Variants in SLC4A3 observed in about 807,000 individuals in gnomAD.
SLC4A3 encodes the protein anion exchange protein 3.
In SLC4A3, 47 loss-of-function variants were observed where a neutral mutation model predicts 114.2. That is an observed-to-expected ratio of 0.41 (90% CI 0.33 to 0.52). The LOEUF is 0.52. Among genes scored for constraint, SLC4A3 ranks in the 20% least tolerant of loss-of-function variants. SLC4A3 has a pLI of 0.21. For missense variants in SLC4A3, 1,312 were observed against 1,668.3 expected (o/e 0.79, Z 3.72); for synonymous variants, 693 against 710.3 (o/e 0.98, Z 0.39).
chr2:219,640,933 C>T lies in SLC4A3; in HGVS notation c.3592C>T (p.Arg1198Trp), dbSNP rs748906641. 28 of 1,608,178 alleles carry T rather than the reference C, an allele frequency of 1.7e-5. No individual in the cohort carries two copies. Among genetic ancestry groups the T allele is most frequent in the South Asian group, 5.5e-5 (5 of 91,080 alleles). The change falls in exon 22 of 23, where the codon CGG (arginine) becomes TGG (tryptophan). Residue 1198 changes from arginine (R) to tryptophan (W), a missense_variant. This residue lies in a region of SLC4A3 where 301 missense variants were observed against 460.7 expected (regional missense o/e 0.65). Coordinates refer to ENST00000358055, the MANE Select transcript of SLC4A3 (RefSeq NM_005070.4). ...TVPLRHCLLP[R>W]LFQDRELQAL... ...GCCTCTGAGGCATTGCCTTCTGCCCCGGCTCTTCCAGGACAGGGAGCTGCA... is the reference window on the plus strand; with the variant it reads ...GCCTCTGAGGCATTGCCTTCTGCCCTGGCTCTTCCAGGACAGGGAGCTGCA...
chr2:219,629,562 C>A lies in SLC4A3; in HGVS notation c.496-18C>A. 1 of 1,600,774 alleles carries A rather than the reference C, an allele frequency of 6.2e-7. No homozygotes were observed. The highest frequency in any genetic ancestry group is 1.1e-5 in the South Asian group (1 of 90,844). On this transcript the variant is annotated intron_variant, in intron 4 of 22. Coordinates refer to ENST00000358055, the MANE Select transcript of SLC4A3 (RefSeq NM_005070.4). The stretch of plus-strand genomic sequence containing the variant: ...GGTAGGTCGGGGCAAGGCCCCAGGG[C>A]ACATTCTATGTCTGCAGTTCTCCAT...
chr2:219,638,071 G>T lies in SLC4A3; in HGVS notation c.2767-93G>T. 9.3e-7 allele frequency: 1 copy of T among 1,073,906 alleles called. No homozygotes were observed. Among genetic ancestry groups the T allele is most frequent in the Non-Finnish European group, 1.4e-6 (1 of 716,142 alleles). 66.5% of individuals were successfully genotyped at this position (1,073,906 alleles called of 1,614,324 possible). A position where few individuals can be genotyped will look rare whatever the true frequency, so the allele number is the denominator to read the frequency against. On this transcript the variant is annotated intron_variant, in intron 17 of 22. Transcript: ENST00000358055. The surrounding 1 kb of genome is among the most constrained non-coding windows in gnomAD (Gnocchi z 7.5). ...GTGGGGGGCCTTCTGGCTCCAGCTT[G>T]GACCCAGGCAGGGCCAGAGATGGCA...
At position 219,630,927 on chromosome 2, in the gene SLC4A3, G is replaced by A. The variant is rs940894976; in HGVS notation, c.811+575G>A. Among the ~76,000 whole-genome samples the A allele has an allele frequency of 6.6e-6, 1 of 152,174 alleles. No homozygotes were observed. Among genetic ancestry groups the A allele is most frequent in the African/African-American group, 2.4e-5 (1 of 41,444 alleles). On this transcript the variant is annotated intron_variant, in intron 6 of 22. Coordinates refer to ENST00000358055, the MANE Select transcript of SLC4A3 (RefSeq NM_005070.4). This position sits in a 1 kb window ranked among gnomAD's most constrained non-coding sequence, Gnocchi z 6.9. ...CTCCTCCGAGCCACAGTGTGTGGGT[G>A]GGGTGGGGGGAAGGGTAGGGCTTTG...
Position 219,631,601 on chromosome 2 carries a change from A to C in SLC4A3, c.812-367A>C, listed in dbSNP as rs1004649052. 1.2e-5 allele frequency: 9 copies of C among 767,662 alleles called. No individual in the cohort carries two copies. In the African/African-American group the frequency reaches 1.3e-4, roughly 11 times the overall value. The allele number at this position is 767,662 out of a possible 1,614,324, so 47.6% of individuals were successfully genotyped here. ...GGGTGTTGAGATAGGGTGCACGGAA[A>C]ATGTTGGGGGCTCAGTGCCTGGGGA... is the stretch of plus-strand genomic sequence containing the variant. On this transcript the variant is annotated intron_variant, in intron 6 of 22. Coordinates refer to ENST00000358055, the MANE Select transcript of SLC4A3 (RefSeq NM_005070.4). This position sits in a 1 kb window ranked among gnomAD's most constrained non-coding sequence, Gnocchi z 6.3.
chr2:219,640,934 G>T lies in SLC4A3; in HGVS notation c.3593G>T (p.Arg1198Leu). The T allele has an allele frequency of 6.2e-7, 1 of 1,607,934 alleles. No individual in the cohort carries two copies. The highest frequency in any genetic ancestry group is 1.1e-5 in the South Asian group (1 of 91,076). ...CCTCTGAGGCATTGCCTTCTGCCCC[G>T]GCTCTTCCAGGACAGGGAGCTGCAG... is the stretch of plus-strand genomic sequence containing the variant. Reference protein sequence around the residue: ...TVPLRHCLLPRLFQDRELQAL... With the variant: ...TVPLRHCLLPLLFQDRELQAL... Residue 1198 changes from arginine (R) to leucine (L), a missense_variant, in exon 22 of 23, where the codon CGG (arginine) becomes CTG (leucine). Arg to Leu is a moderately radical substitution (Grantham distance 102). Coordinates refer to ENST00000358055, the MANE Select transcript of SLC4A3 (RefSeq NM_005070.4).
chr2:219,633,732 G>T (rs1699022590), intron 10 of SLC4A3, 148 bp from the exon 11 acceptor site: 2 of 1,273,138 alleles, frequency 1.6e-6, no homozygotes, highest in South Asian at 1.5e-5. Flanking sequence ...ATCCCAGCTG[G>T]TGGCTCCCAG....
Position 219,639,796 on chromosome 2 carries a change from A to G in SLC4A3, c.3277+61A>G. On this transcript the variant is annotated intron_variant, in intron 20 of 22. Transcript: ENST00000358055. This position sits in a 1 kb window ranked among gnomAD's most constrained non-coding sequence, Gnocchi z 5.9. Reference sequence around the variant, plus strand: ...TTGGGCCCCACGGTCTTACATCTTCACTATCCCAGGCTTGACCCTGAATCT... The same window carrying G: ...TTGGGCCCCACGGTCTTACATCTTCGCTATCCCAGGCTTGACCCTGAATCT... 1 of 1,575,870 alleles carries G rather than the reference A, an allele frequency of 6.3e-7. No individual in the cohort carries two copies. The highest frequency in any genetic ancestry group is 2.3e-5 in the East Asian group (1 of 44,330).
Position 219,629,576 on chromosome 2 carries a change from G to A in SLC4A3, c.496-4G>A, listed in dbSNP as rs752900052. ...AGGCCCCAGGGCACATTCTATGTCT[G>A]CAGTTCTCCATTGGAAGTGACGAGG... On this transcript the variant is annotated splice_region_variant and splice_polypyrimidine_tract_variant and intron_variant, in intron 4 of 22. Coordinates refer to ENST00000358055, the MANE Select transcript of SLC4A3 (RefSeq NM_005070.4). 6.2e-7 allele frequency: 1 copy of A among 1,609,012 alleles called. No homozygotes were observed. Among genetic ancestry groups the A allele is most frequent in the Non-Finnish European group, 8.5e-7 (1 of 1,175,902 alleles).
rs1237650840 is a variant in SLC4A3, at chr2:219,633,844, C to T, written c.1462-36C>T. On this transcript the variant is annotated intron_variant, in intron 10 of 22. Transcript: ENST00000358055. ...GGGAGGGCCTGCCACGGCCTCCGGT[C>T]TGGGTCCCAGCCCTATTCCAGTTCT... 9 of 1,551,318 alleles carry T rather than the reference C, an allele frequency of 5.8e-6. No individual in the cohort carries two copies. In the East Asian group the frequency reaches 2.2e-4, roughly 38 times the overall value.
Position 219,637,902 on chromosome 2 carries a change from C to A in SLC4A3, c.2766+91C>A. The A allele has an allele frequency of 9.2e-7, 1 of 1,086,646 alleles. No individual in the cohort carries two copies. Among genetic ancestry groups the A allele is most frequent in the Non-Finnish European group, 1.4e-6 (1 of 720,732 alleles). The allele number at this position is 1,086,646 out of a possible 1,614,324, so 67.3% of individuals were successfully genotyped here. On this transcript the variant is annotated intron_variant, in intron 17 of 22. Coordinates refer to ENST00000358055, the MANE Select transcript of SLC4A3 (RefSeq NM_005070.4). The surrounding 1 kb of genome is among the most constrained non-coding windows in gnomAD (Gnocchi z 4.6). ...GAGGCTGCACCCCTTCCCCGGTCAG[C>A]CCATGGACCAAAACCCAGCTCGGGC...
chr2:219,638,970 G>A lies in SLC4A3; in HGVS notation c.3023+101G>A. 2 of 1,310,394 alleles carry A rather than the reference G, an allele frequency of 1.5e-6. No homozygotes were observed. Among genetic ancestry groups the A allele is most frequent in the Non-Finnish European group, 2.1e-6 (2 of 935,328 alleles). 81.2% of individuals were successfully genotyped at this position (1,310,394 alleles called of 1,614,324 possible). The stretch of plus-strand genomic sequence containing the variant: ...AGCAGGGACATCATTATCAGTATCA[G>A]GGTGCTGGGTGGTGGGAGCTGGTGG... On this transcript the variant is annotated intron_variant, in intron 19 of 22. Transcript: ENST00000358055. The surrounding 1 kb of genome is among the most constrained non-coding windows in gnomAD (Gnocchi z 7.5).
In SLC4A3 at chr2:219,630,082, G is replaced by A; in HGVS notation, c.612-71G>A. 2.5e-6 allele frequency: 4 copies of A among 1,585,536 alleles called. No individual in the cohort carries two copies. Among genetic ancestry groups the A allele is most frequent in the Non-Finnish European group, 3.4e-6 (4 of 1,164,410 alleles). On this transcript the variant is annotated intron_variant, in intron 5 of 22. Coordinates refer to ENST00000358055, the MANE Select transcript of SLC4A3 (RefSeq NM_005070.4). This position sits in a 1 kb window ranked among gnomAD's most constrained non-coding sequence, Gnocchi z 6.9. ...CAGGGTCTACTCCAGGCCGTGCTCT[G>A]AGCTGAGGGACGGTGATGGAACCAC...
chr2:219,635,608 C>A, intron 13 of SLC4A3, 65 bp from the exon 14 acceptor site: 2 of 1,489,242 alleles, frequency 1.3e-6, no homozygotes, highest in East Asian at 2.4e-5. Context: ...TCCCTGATCC[C>A]AACAGCCCGG....
In SLC4A3 at chr2:219,628,063, GC is replaced by G. The variant is rs1698779808; in HGVS notation, c.51+21del. ...CCCCAGGTGATCGGCGCGCGCGGGG[GC>G]GGGGGAGAGATGGGGGAGGAGAGGG... On this transcript the variant is annotated intron_variant, in intron 2 of 22. Transcript: ENST00000358055. The surrounding 1 kb of genome is among the most constrained non-coding windows in gnomAD (Gnocchi z 4.8). The G allele has an allele frequency of 1.9e-6, 3 of 1,541,418 alleles. No individual in the cohort carries two copies. Among genetic ancestry groups the G allele is most frequent in the Non-Finnish European group, 2.6e-6 (3 of 1,145,262 alleles).
Position 219,631,526 on chromosome 2 carries a change from C to A in SLC4A3, c.812-442C>A. 1 of 1,246,522 alleles carries A rather than the reference C, an allele frequency of 8.0e-7. No homozygotes were observed. 77.2% of individuals were successfully genotyped at this position (1,246,522 alleles called of 1,614,324 possible). A position where few individuals can be genotyped will look rare whatever the true frequency, so the allele number is the denominator to read the frequency against. ...GGTGGGGCAGACAGGAGGAAGGGAG[C>A]GAAGCCCTGCCTGAGTCTACTGGGC... On this transcript the variant is annotated intron_variant, in intron 6 of 22. Transcript: ENST00000358055. The surrounding 1 kb of genome is among the most constrained non-coding windows in gnomAD (Gnocchi z 6.3).
At position 219,628,125 on chromosome 2, in the gene SLC4A3, C is replaced by G; in HGVS notation, c.51+82C>G. On this transcript the variant is annotated intron_variant, in intron 2 of 22. Transcript: ENST00000358055. This position sits in a 1 kb window ranked among gnomAD's most constrained non-coding sequence, Gnocchi z 4.8. ...AGGGTGGGCAGAGGAGTCCTCTGGCCGACCCCGGGACCCCCCAGATCCAGG... is the reference window on the plus strand; with the variant it reads ...AGGGTGGGCAGAGGAGTCCTCTGGCGGACCCCGGGACCCCCCAGATCCAGG... The G allele has an allele frequency of 1.8e-5, 21 of 1,170,282 alleles. No individual in the cohort carries two copies. The highest frequency in any genetic ancestry group is 2.5e-5 in the Non-Finnish European group (21 of 856,670). The allele number at this position is 1,170,282 out of a possible 1,614,324, so 72.5% of individuals were successfully genotyped here.
At position 219,635,471 on chromosome 2, in the gene SLC4A3, G is replaced by C; in HGVS notation, c.1947G>C (p.Arg649=). ...REQTKVEMTT[R]GGYTAPGKEL... Reference sequence around the variant, plus strand: ...AGACCAAAGTCGAGATGACCACACGGGGTGGCTACACGGCCCCTGGGAAAG... The same window carrying C: ...AGACCAAAGTCGAGATGACCACACGCGGTGGCTACACGGCCCCTGGGAAAG... Residue 649 remains arginine, a synonymous_variant, in exon 13 of 23, where the codon CGG becomes CGC. Transcript: ENST00000358055. 1 of 1,613,094 alleles carries C rather than the reference G, an allele frequency of 6.2e-7. No homozygotes were observed. Among genetic ancestry groups the C allele is most frequent in the Non-Finnish European group, 8.5e-7 (1 of 1,179,542 alleles).
chr2:219,638,317 A>C lies in SLC4A3; in HGVS notation c.2856+64A>C. The C allele has an allele frequency of 8.0e-7, 1 of 1,242,644 alleles. No individual in the cohort carries two copies. Among genetic ancestry groups the C allele is most frequent in the Non-Finnish European group, 1.2e-6 (1 of 860,306 alleles). The allele number at this position is 1,242,644 out of a possible 1,614,324, so 77.0% of individuals were successfully genotyped here. On this transcript the variant is annotated intron_variant, in intron 18 of 22. Coordinates refer to ENST00000358055, the MANE Select transcript of SLC4A3 (RefSeq NM_005070.4). The surrounding 1 kb of genome is among the most constrained non-coding windows in gnomAD (Gnocchi z 7.5). ...CAGGCCAGGAGAGGGAGCCCACAAC[A>C]CACTTCCATGGGCCCTGGGATTGGG... is the stretch of plus-strand genomic sequence containing the variant.
chr2:219,633,282 A>G lies in SLC4A3; in HGVS notation c.1286A>G (p.Asn429Ser). 1.3e-6 allele frequency: 2 copies of G among 1,556,920 alleles called. No individual in the cohort carries two copies. The highest frequency in any genetic ancestry group is 1.7e-6 in the Non-Finnish European group (2 of 1,147,824). The change falls in exon 10 of 23, where the codon AAC (asparagine) becomes AGC (serine). Residue 429 changes from asparagine (N) to serine (S), a missense_variant. Asn to Ser is a conservative substitution (Grantham distance 46). Transcript: ENST00000358055. ...CACCCTGCCCCTTCCAGCCATCCCA[A>G]CGATGACAAGGACAGTGGCTTCTTT... The part of the protein sequence containing the change: ...RTLLLKHSHP[N>S]DDKDSGFFPR...
Sources: allele counts gnomAD v4.1 joint callset (sites outside exome capture counted in the v4.1 genomes callset), GRCh38; gene constraint gnomAD v4.1.1; regional missense constraint gnomAD v4.1.1; non-coding constraint Gnocchi (gnomAD v3.1); transcripts MANE v1.5; gene names NCBI Gene and HGNC (gene_info 2026-07-23, HGNC 2026-07-21).